Variants in LMNB1 observed in about 807,000 individuals in gnomAD.
LMNB1 encodes lamin-B1.
Under a neutral mutation model 67.1 loss-of-function variants are expected in LMNB1, and 23 were observed. The observed-to-expected ratio is 0.34, with a 90% CI of 0.25 to 0.49. LMNB1 has a LOEUF of 0.49. LMNB1 is among the 20% of genes least tolerant of loss of function. The pLI is 0.99. For synonymous variants in LMNB1, 281 were observed against 282.9 expected (o/e 0.99, Z 0.07); for missense variants, 634 against 746.5 (o/e 0.85, Z 1.76).
rs1752263622 is a variant in LMNB1, at chr5:126,836,993, A to G, written c.*729A>G. On this transcript the variant is annotated 3_prime_UTR_variant, in exon 11 of 11. Coordinates refer to ENST00000261366, the MANE Select transcript of LMNB1 (RefSeq NM_005573.4). ...TGCTTAAATTTCTTATGTGACATTA[A>G]CAAATAAAAAAGCTCTTTTAATATT... is the stretch of plus-strand genomic sequence containing the variant. 1 of 397,940 alleles carries G rather than the reference A, an allele frequency of 2.5e-6. No individual in the cohort carries two copies. The allele number at this position is 397,940 out of a possible 1,614,324, so 24.7% of individuals were successfully genotyped here.
At chr5:126,793,704 A>G (rs1413650632) in intron 1 of LMNB1, among the ~76,000 whole-genome samples, 2 of 151,982 alleles carry the variant, frequency 1.3e-5, no homozygotes, top group Non-Finnish European at 1.5e-5. Context: ...GTGAAACCCC[A>G]TCTCTACTAA....
At chr5:126,785,436 C>T (rs542770955) in intron 1 of LMNB1, among the ~76,000 whole-genome samples, 3 of 151,650 alleles carry the variant, frequency 2.0e-5, no homozygotes, top group Admixed American at 6.6e-5. Context: ...GGACTACAGG[C>T]ACACGCCACC....
At position 126,830,973 on chromosome 5, in the gene LMNB1, C is replaced by G. The variant is rs563554111; in HGVS notation, c.1612-1721C>G. Among the ~76,000 whole-genome samples, 4 of 152,174 alleles carry G rather than the reference C, an allele frequency of 2.6e-5. No homozygotes were observed. In the South Asian group the frequency reaches 8.3e-4, roughly 32 times the overall value. On this transcript the variant is annotated intron_variant, in intron 9 of 10. Transcript: ENST00000261366. Reference sequence around the variant, plus strand: ...GCTATTTCTGTTTGTAAAGATAGACCAATTTCACAGAATTGAAGTTACTGG... The same window carrying G: ...GCTATTTCTGTTTGTAAAGATAGACGAATTTCACAGAATTGAAGTTACTGG...
In LMNB1 at chr5:126,822,758, C is replaced by G. The variant is rs190873385; in HGVS notation, c.1387-23C>G. 8 of 1,425,312 alleles carry G rather than the reference C, an allele frequency of 5.6e-6. No individual in the cohort carries two copies. The African/African-American group carries it at 8.5e-5, about 15-fold the overall frequency. The allele number at this position is 1,425,312 out of a possible 1,614,324, so 88.3% of individuals were successfully genotyped here. ...TTTCTTTATCTTTGAAGTAACACCC[C>G]TCACCCTCCTTTCTGTGTGTAGGAT... On this transcript the variant is annotated intron_variant, in intron 7 of 10. Transcript: ENST00000261366.
At chr5:126,808,700 C>T (rs932287685) in intron 3 of LMNB1, among the ~76,000 whole-genome samples, 1 of 152,074 alleles carries the variant, frequency 6.6e-6, no homozygotes, top group Admixed American at 6.6e-5. Context: ...AAGGTGATAG[C>T]AGAATCCTCC....
At chr5:126,818,705 T>C (rs1158465672) in intron 5 of LMNB1, among the ~76,000 whole-genome samples, 1 of 152,244 alleles carries the variant, frequency 6.6e-6, no homozygotes, top group African/African-American at 2.4e-5. Flanking sequence ...TTGTGGAATA[T>C]GTCTTTTATT....
At chr5:126,787,106 C>T (rs1430665238) in intron 1 of LMNB1, among the ~76,000 whole-genome samples, 1 of 152,112 alleles carries the variant, frequency 6.6e-6, no homozygotes, top group African/African-American at 2.4e-5. Context: ...ACTCAGTCCC[C>T]ATTATCAAGT....
At chr5:126,828,668 G>A (rs1424898857) in intron 9 of LMNB1, among the ~76,000 whole-genome samples, 2 of 150,522 alleles carry the variant, frequency 1.3e-5, no homozygotes, top group East Asian at 2.0e-4. Flanking sequence ...TGCAACCTCC[G>A]CCTCCTGCCT....
At position 126,836,279 on chromosome 5, in the gene LMNB1, T is replaced by C. The variant is rs140296800; in HGVS notation, c.*15T>C. On this transcript the variant is annotated 3_prime_UTR_variant, in exon 11 of 11. Transcript: ENST00000261366. Reference sequence around the variant, plus strand: ...CAATTATGTAAAATTTTCAACTGTCTTCCTCAAAATAAAGAAGTATGGTAA... The same window carrying C: ...CAATTATGTAAAATTTTCAACTGTCCTCCTCAAAATAAAGAAGTATGGTAA... The C allele has an allele frequency of 5.5e-4, 875 of 1,582,218 alleles. 4 individuals carry two copies. Among genetic ancestry groups the C allele is most frequent in the Admixed American group, 3.0e-3 (177 of 59,960 alleles).
intron 10 of LMNB1, among the ~76,000 whole-genome samples, chr5:126,834,917 G>T (rs1397538646): frequency 6.6e-6 from 1 of 152,146 alleles, no homozygotes; most frequent in Non-Finnish European, 1.5e-5. Flanking sequence ...CGCTCATCCA[G>T]TTATTTTGTA....
chr5:126,822,872 G>A lies in LMNB1; in HGVS notation c.1478G>A (p.Gly493Asp), dbSNP rs1751903860. 1 of 1,590,398 alleles carries A rather than the reference G, an allele frequency of 6.3e-7. No individual in the cohort carries two copies. Among genetic ancestry groups the A allele is most frequent in the African/African-American group, 1.3e-5 (1 of 74,336 alleles). The change falls in exon 8 of 11, where the codon GGC becomes GAC. Residue 493 changes from glycine (G) to aspartate (D), a missense_variant. Transcript: ENST00000261366. ...ACCTCAAGATATGTGCTGAAGGCAG[G>A]CCAGACTGTTACAGTAAGTGAATCT... is the stretch of plus-strand genomic sequence containing the variant. Reference protein sequence around the residue: ...KYTSRYVLKAGQTVTIWAANA... With the variant: ...KYTSRYVLKADQTVTIWAANA...
Position 126,823,012 on chromosome 5 carries a change from G to A in LMNB1, c.1491+127G>A, listed in dbSNP as rs991374270. On this transcript the variant is annotated intron_variant, in intron 8 of 10. Coordinates refer to ENST00000261366, the MANE Select transcript of LMNB1 (RefSeq NM_005573.4). The stretch of plus-strand genomic sequence containing the variant: ...GTTAAAGTACTTTTTATATTATTAG[G>A]GCATTACAAGTGCTATAAAAGATTT... The A allele has an allele frequency of 1.5e-5, 10 of 645,822 alleles. No individual in the cohort carries two copies. The Admixed American group carries it at 2.9e-4, about 19-fold the overall frequency. 40.0% of individuals were successfully genotyped at this position (645,822 alleles called of 1,614,324 possible).
chr5:126,793,331 T>TG (rs1751013642), intron 1 of LMNB1, among the ~76,000 whole-genome samples: 1 of 151,736 alleles, frequency 6.6e-6, no homozygotes. Context: ...GATTTTTTTT[T>TG]TTGTTTCAAA....
At chr5:126,800,145 G>A (rs1057141881) in intron 1 of LMNB1, among the ~76,000 whole-genome samples, 1 of 152,144 alleles carries the variant, frequency 6.6e-6, no homozygotes, top group African/African-American at 2.4e-5. Flanking sequence ...ATTTTATTGA[G>A]TATCCCCACC....
intron 6 of LMNB1, 66 bp from the exon 7 acceptor site, chr5:126,820,844 T>C: frequency 7.7e-7 from 1 of 1,304,160 alleles, no homozygotes; most frequent in Non-Finnish European, 1.1e-6. Context: ...TTTTTGTTTT[T>C]TTTTTTTTTA....
chr5:126,810,468 C>T (rs774221079), intron 4 of LMNB1, 118 bp downstream of exon 4: 5 of 718,336 alleles, frequency 7.0e-6, no homozygotes, highest in Non-Finnish European at 1.0e-5. Context: ...CCCCTAGTCT[C>T]CATGAAATAT....
At chr5:126,832,095 A>G (rs1034519519) in intron 9 of LMNB1, among the ~76,000 whole-genome samples, 8 of 152,020 alleles carry the variant, frequency 5.3e-5, no homozygotes, top group African/African-American at 1.9e-4. Flanking sequence ...GCAAAACCCC[A>G]TCTCTACTAA....
In LMNB1 at chr5:126,810,254, G is replaced by A. The variant is rs745727182; in HGVS notation, c.717G>A (p.Glu239=). The A allele has an allele frequency of 6.2e-7, 1 of 1,613,946 alleles. No homozygotes were observed. The highest frequency in any genetic ancestry group is 1.3e-5 in the African/African-American group (1 of 74,910). ...EVDSGRQIEY[E]YKLAQALHEM... ...ATTCTGGGCGTCAAATTGAGTATGA[G>A]TACAAGCTGGCGCAAGCCCTTCATG... is the stretch of plus-strand genomic sequence containing the variant. The change falls in exon 4 of 11, where the codon GAG becomes GAA. Residue 239 remains glutamate, a synonymous_variant. Coordinates refer to ENST00000261366, the MANE Select transcript of LMNB1 (RefSeq NM_005573.4).
chr5:126,811,479 A>G (rs1416451987), intron 4 of LMNB1, among the ~76,000 whole-genome samples: 3 of 152,200 alleles, frequency 2.0e-5, no homozygotes, highest in African/African-American at 7.2e-5. Flanking sequence ...TCTTCTTATT[A>G]TCAGTGTTAT....
Sources: gnomAD v4.1 joint callset for allele counts (sites outside exome capture counted in the v4.1 genomes callset) on GRCh38, gnomAD v4.1.1 for gene constraint, MANE v1.5 for transcripts, NCBI Gene and HGNC (gene_info 2026-07-23, HGNC 2026-07-21) for gene names.